The following NUP188 variants were observed in gnomAD, a reference collection of about 807,000 sequenced individuals.
NUP188 encodes the protein nucleoporin 188.
NUP188 carries 97 observed loss-of-function variants against 223.0 expected under a neutral mutation model. The observed-to-expected ratio is 0.43, with a 90% CI of 0.37 to 0.51. The LOEUF (loss-of-function observed/expected upper bound fraction) is 0.51, where lower values mean the gene tolerates loss of function less well. NUP188 is among the 20% of genes least tolerant of loss of function. NUP188 has a pLI of 0.00. For missense variants in NUP188, 1,947 were observed against 2,175.6 expected (o/e 0.89, Z 2.09); for synonymous variants, 869 against 828.0 (o/e 1.05, Z -0.85).
In NUP188 at chr9:129,001,669, G is replaced by A; in HGVS notation, c.3984G>A (p.Gln1328=). 1 of 1,614,062 alleles carries A rather than the reference G, an allele frequency of 6.2e-7. No individual in the cohort carries two copies. Among genetic ancestry groups the A allele is most frequent in the Admixed American group, 1.7e-5 (1 of 60,018 alleles). The change falls in exon 35 of 44, where the codon CAG becomes CAA. Residue 1328 remains glutamine, a synonymous_variant. Transcript: ENST00000372577. ...TTLEVSLRMK[Q]NLHFTEATLH... ...TAGAGGTGAGCCTTCGCATGAAGCAGAACCTGCATTTCACTGAGGCCACAT... is the reference window on the plus strand; with the variant it reads ...TAGAGGTGAGCCTTCGCATGAAGCAAAACCTGCATTTCACTGAGGCCACAT...
At chr9:128,981,489 T>C (rs1842253895) in intron 15 of NUP188, 99 bp downstream of exon 15, 1 of 1,219,842 alleles carries the variant, frequency 8.2e-7, no homozygotes, top group African/African-American at 1.5e-5. Context: ...CATAGCTCAC[T>C]GCAGCCTCAA....
intron 8 of NUP188, among the ~76,000 whole-genome samples, chr9:128,964,956 T>A: frequency 6.6e-6 from 1 of 152,000 alleles, no homozygotes; most frequent in East Asian, 1.9e-4. Context: ...TCCACCCGTC[T>A]CGGCCTCCCA....
At position 129,002,994 on chromosome 9, in the gene NUP188, T is replaced by A. The variant is rs368823651; in HGVS notation, c.4296+19T>A. On this transcript the variant is annotated intron_variant, in intron 37 of 43. Transcript: ENST00000372577. The stretch of plus-strand genomic sequence containing the variant: ...CTTACAGGTGAGGGGCTGCCTGCAT[T>A]GCAGGGGTGGGAGTTTCAGGGTAAA... The A allele has an allele frequency of 1.2e-6, 2 of 1,612,632 alleles. No individual in the cohort carries two copies. Among genetic ancestry groups the A allele is most frequent in the African/African-American group, 2.7e-5 (2 of 74,880 alleles).
At chr9:128,981,527 C>A in intron 15 of NUP188, 137 bp downstream of exon 15, 1 of 836,406 alleles carries the variant, frequency 1.2e-6, no homozygotes, top group Non-Finnish European at 1.9e-6. Context: ...ATTCTCCCAC[C>A]TTAGCCTCCC....
intron 15 of NUP188, among the ~76,000 whole-genome samples, chr9:128,982,189 G>A (rs113633046): frequency 0.041 from 6,254 of 152,154 alleles, 435 homozygotes; most frequent in African/African-American, 0.14. Context: ...CCAGAACTTT[G>A]GGAGGCCAAG....
At position 128,984,945 on chromosome 9, in the gene NUP188, C is replaced by G; in HGVS notation, c.2007C>G (p.Asn669Lys). The G allele has an allele frequency of 1.2e-5, 20 of 1,613,874 alleles. No individual in the cohort carries two copies. Among genetic ancestry groups the G allele is most frequent in the Non-Finnish European group, 1.6e-5 (19 of 1,179,892 alleles). ...NAGGYGNLLMNSEQPQGEYGV... is the reference protein window; with the variant it reads ...NAGGYGNLLMKSEQPQGEYGV... ...GAGGGTACGGAAACCTCTTGATGAA[C>G]AGTGAACAGCCTCAGGGCGAGTATG... The change falls in exon 20 of 44, where the codon AAC becomes AAG. Residue 669 changes from asparagine (N) to lysine (K), a missense_variant. Asn to Lys is a moderately conservative substitution (Grantham distance 94). This residue lies in a region of NUP188 where 817 missense variants were observed against 865.8 expected (regional missense o/e 0.94). Transcript: ENST00000372577.
intron 28 of NUP188, 34 bp from the exon 29 acceptor site, chr9:128,994,822 G>C (rs369267465): frequency 1.3e-6 from 2 of 1,557,478 alleles, no homozygotes; most frequent in Non-Finnish European, 1.8e-6. Context: ...AGTGATCAGA[G>C]ATGTGATAAT....
intron 25 of NUP188, among the ~76,000 whole-genome samples, chr9:128,992,098 A>T (rs1842444447): frequency 6.6e-6 from 1 of 150,936 alleles, no homozygotes; most frequent in Non-Finnish European, 1.5e-5. Flanking sequence ...TTTAGTAGAG[A>T]CGGGGTTTCA....
chr9:128,981,421 GCTT>G lies in NUP188; in HGVS notation c.1516+32_1516+34del, dbSNP rs1355962576. 4 of 1,564,944 alleles carry G rather than the reference GCTT, an allele frequency of 2.6e-6. No homozygotes were observed. In the African/African-American group the frequency reaches 5.6e-5, roughly 22 times the overall value. On this transcript the variant is annotated intron_variant, in intron 15 of 43. Coordinates refer to ENST00000372577, the MANE Select transcript of NUP188 (RefSeq NM_015354.3). Reference sequence around the variant, plus strand: ...ATAAAGAGATCCCCCTTTTATGACAGCTTTTTTTTTTTTTGATGTCTTGCTCTG... The same window carrying G: ...ATAAAGAGATCCCCCTTTTATGACAGTTTTTTTTTTTGATGTCTTGCTCTG...
At chr9:129,002,687 C>T (rs1842692882) in intron 36 of NUP188, 130 bp from the exon 37 acceptor site, 1 of 950,170 alleles carries the variant, frequency 1.1e-6, no homozygotes, top group Non-Finnish European at 1.5e-6. Flanking sequence ...CCCTGGTGGC[C>T]AGACAGTGGC....
At chr9:128,990,455 C>T (rs986025867) in intron 25 of NUP188, among the ~76,000 whole-genome samples, 1 of 152,048 alleles carries the variant, frequency 6.6e-6, no homozygotes, top group East Asian at 1.9e-4. Flanking sequence ...AGGCTGCGTG[C>T]GGTGGCTCAT....
At chr9:128,963,152 G>A (rs1841978676) in intron 8 of NUP188, among the ~76,000 whole-genome samples, 1 of 151,930 alleles carries the variant, frequency 6.6e-6, no homozygotes, top group Non-Finnish European at 1.5e-5. Flanking sequence ...CCAGCCATTT[G>A]TCATTTTTGT....
At chr9:128,987,959 A>G in intron 23 of NUP188, 88 bp from the exon 24 acceptor site, 1 of 1,446,688 alleles carries the variant, frequency 6.9e-7, no homozygotes, top group Non-Finnish European at 9.6e-7. Context: ...CTCTGGGATT[A>G]TTGTTGGAAT....
At chr9:128,949,136 C>G in intron 1 of NUP188, 53 bp from the exon 2 acceptor site, 1 of 1,348,034 alleles carries the variant, frequency 7.4e-7, no homozygotes, top group Non-Finnish European at 1.1e-6. Flanking sequence ...AGGCAGTGTA[C>G]AAGTTTGTAT....
At chr9:128,996,592 G>A (rs1027147071) in intron 30 of NUP188, among the ~76,000 whole-genome samples, 3 of 152,154 alleles carry the variant, frequency 2.0e-5, no homozygotes, top group Non-Finnish European at 4.4e-5. Flanking sequence ...GGGCAGGTTT[G>A]TGGCTACTCT....
intron 19 of NUP188, among the ~76,000 whole-genome samples, chr9:128,983,863 G>A (rs969775081): frequency 5.3e-5 from 8 of 151,540 alleles, no homozygotes; most frequent in African/African-American, 1.7e-4. Context: ...CTCTGTTACC[G>A]AGGCCAGAGT....
chr9:128,960,259 G>GTT (rs139631504), intron 8 of NUP188, among the ~76,000 whole-genome samples: 11 of 147,884 alleles, frequency 7.4e-5, no homozygotes, highest in African/African-American at 2.5e-4. Context: ...TTTGTTTTTT[G>GTT]TTTTTTTTTA....
At chr9:128,957,868 G>A (rs1458972949) in intron 5 of NUP188, 142 bp from the exon 6 acceptor site, 1 of 638,214 alleles carries the variant, frequency 1.6e-6, no homozygotes, top group Non-Finnish European at 2.7e-6. Flanking sequence ...GGTACATTTG[G>A]GTAAAAAGTA....
intron 38 of NUP188, 63 bp downstream of exon 38, chr9:129,003,517 G>C: frequency 6.4e-7 from 1 of 1,566,826 alleles, no homozygotes; most frequent in Non-Finnish European, 8.7e-7. Flanking sequence ...AGGCTGTGAG[G>C]TCTCACTGGG....
Sources: allele counts gnomAD v4.1 joint callset (sites outside exome capture counted in the v4.1 genomes callset), GRCh38; gene constraint gnomAD v4.1.1; regional missense constraint gnomAD v4.1.1; transcripts MANE v1.5; gene names NCBI Gene and HGNC (gene_info 2026-07-23, HGNC 2026-07-21).